The following TENM2 variants were observed in gnomAD, a reference collection of about 807,000 sequenced individuals.
TENM2 encodes the protein teneurin-2.
TENM2 carries 52 observed loss-of-function variants against 245.2 expected under a neutral mutation model. The observed-to-expected ratio is 0.21, with a 90% CI of 0.17 to 0.27. The LOEUF (loss-of-function observed/expected upper bound fraction) is 0.27, where lower values mean the gene tolerates loss of function less well. Among genes scored for constraint, TENM2 ranks in the 10% least tolerant of loss-of-function variants. The pLI, the probability that TENM2 is intolerant of heterozygous loss-of-function variation, is 1.00. For missense variants in TENM2, 3,046 were observed against 3,666.8 expected, an observed-to-expected ratio of 0.83 and a Z score of 4.37; for synonymous variants, 1,363 against 1,438.9, an observed-to-expected ratio of 0.95 and a Z score of 1.19.
At chr5:167,702,552 G>GTATATATATATATATATATATACA (rs374895330) in intron 2 of TENM2, among the ~76,000 whole-genome samples, 1 of 136,780 alleles carries the variant, frequency 7.3e-6, no homozygotes, top group African/African-American at 2.8e-5. Flanking sequence ...GTGTGTGTGT[G>GTATATATATATATATATATATACA]TATATATATA....
chr5:167,408,651 A>G (rs913148394), intron 2 of TENM2, among the ~76,000 whole-genome samples: 3 of 151,948 alleles, frequency 2.0e-5, no homozygotes, highest in Non-Finnish European at 4.4e-5. Flanking sequence ...TGTACTTGAA[A>G]TTCAGTCTTT....
intron 5 of TENM2, among the ~76,000 whole-genome samples, chr5:168,014,716 G>A (rs1317644934): frequency 6.6e-6 from 1 of 152,062 alleles, no homozygotes; most frequent in Non-Finnish European, 1.5e-5. Context: ...ACCCTTAATG[G>A]AACAATGAAA....
At chr5:167,929,383 G>A (rs1465822125) in intron 3 of TENM2, among the ~76,000 whole-genome samples, 2 of 152,244 alleles carry the variant, frequency 1.3e-5, no homozygotes, top group Admixed American at 1.3e-4. Context: ...CCCTAGTCTA[G>A]AAAATTCTGA....
chr5:167,824,824 T>G (rs1473852657), intron 2 of TENM2, among the ~76,000 whole-genome samples: 2 of 152,198 alleles, frequency 1.3e-5, no homozygotes, highest in Non-Finnish European at 2.9e-5. Flanking sequence ...CACAACTAAT[T>G]CAACGTTTCA....
At chr5:167,600,976 T>A (rs1394585026) in intron 2 of TENM2, among the ~76,000 whole-genome samples, 1 of 152,218 alleles carries the variant, frequency 6.6e-6, no homozygotes, top group Non-Finnish European at 1.5e-5. Flanking sequence ...TGGCATAATT[T>A]ATTCACTCAT....
In TENM2 at chr5:167,429,693, G is replaced by A. The variant is rs7705912; in HGVS notation, c.502+54220G>A. 2.5e-3 allele frequency among the ~76,000 whole-genome samples: 336 copies of A among 136,586 alleles called. 1 individual carries two copies. Among genetic ancestry groups the A allele is most frequent in the African/African-American group, 8.2e-3 (297 of 36,238 alleles). The allele number at this position is 136,586 out of a possible 152,430, so 89.6% of individuals were successfully genotyped here. On this transcript the variant is annotated intron_variant, in intron 2 of 28. Coordinates refer to ENST00000518659, the Ensembl canonical transcript of TENM2. ...GCGACCGCGGCTCAGTGCAACCTCCGCCTCCCAGGTTCAAGCGATTCTCCT... is the reference window on the plus strand; with the variant it reads ...GCGACCGCGGCTCAGTGCAACCTCCACCTCCCAGGTTCAAGCGATTCTCCT...
the TENM2 span, among the ~76,000 whole-genome samples, chr5:167,040,853 C>G: frequency 6.6e-6 from 1 of 152,134 alleles, no homozygotes; most frequent in Non-Finnish European, 1.5e-5. Context: ...GCAGAGCCAA[C>G]TAGAACTATA....
intron 2 of TENM2, among the ~76,000 whole-genome samples, chr5:167,856,474 G>A (rs1771108664): frequency 6.6e-6 from 1 of 152,160 alleles, no homozygotes; most frequent in Middle Eastern, 3.2e-3. Context: ...ATTAATTTGA[G>A]CTTAAGCTTC....
intron 5 of TENM2, among the ~76,000 whole-genome samples, chr5:168,045,376 T>A (rs906241221): frequency 6.6e-6 from 1 of 152,228 alleles, no homozygotes; most frequent in Non-Finnish European, 1.5e-5. Flanking sequence ...TGCAGGGATG[T>A]CTCTTCCTGT....
At chr5:167,659,203 C>G (rs1159088052) in intron 2 of TENM2, among the ~76,000 whole-genome samples, 1 of 152,164 alleles carries the variant, frequency 6.6e-6, no homozygotes, top group Admixed American at 6.5e-5. Context: ...GGTGTTCATT[C>G]TATTTCACAT....
In TENM2 at chr5:167,745,783, G is replaced by A. The variant is rs1761516198; in HGVS notation, c.503-130203G>A. Among the ~76,000 whole-genome samples, 3 of 152,300 alleles carry A rather than the reference G, an allele frequency of 2.0e-5. No homozygotes were observed. In the Middle Eastern group the frequency reaches 0.01, roughly 518 times the overall value. Reference sequence around the variant, plus strand: ...GGCTTATATAATGTATTACATGATGGTTTGTAGGTTCATCTATGCATAGCA... The same window carrying A: ...GGCTTATATAATGTATTACATGATGATTTGTAGGTTCATCTATGCATAGCA... On this transcript the variant is annotated intron_variant, in intron 2 of 28. Transcript: ENST00000518659.
intron 2 of TENM2, among the ~76,000 whole-genome samples, chr5:167,536,284 T>C (rs1019786112): frequency 6.6e-6 from 1 of 151,072 alleles, no homozygotes; most frequent in African/African-American, 2.5e-5. Context: ...CCAGGAAAAC[T>C]CTAAAAAAAA....
intron 3 of TENM2, among the ~76,000 whole-genome samples, chr5:167,937,207 T>G (rs1447174625): frequency 6.6e-6 from 1 of 152,238 alleles, no homozygotes; most frequent in African/African-American, 2.4e-5. Context: ...TTCCTGCTTT[T>G]GCTTCATAGT....
intron 2 of TENM2, among the ~76,000 whole-genome samples, chr5:167,542,214 A>G (rs1488795529): frequency 6.6e-6 from 1 of 152,188 alleles, no homozygotes; most frequent in African/African-American, 2.4e-5. Context: ...GAAGGAAGAA[A>G]GAAAGTGATT....
At chr5:167,337,826 A>G (rs887817694) in intron 1 of TENM2, among the ~76,000 whole-genome samples, 1 of 152,222 alleles carries the variant, frequency 6.6e-6, no homozygotes, top group Non-Finnish European at 1.5e-5. Flanking sequence ...TAAAAGGTTC[A>G]TACCAAAATG....
At chr5:167,086,929 G>GCA in the TENM2 span, among the ~76,000 whole-genome samples, 7,941 of 90,824 alleles carry the variant, frequency 0.087, 253 homozygotes, top group Non-Finnish European at 0.15. Context: ...ACACACACAC[G>GCA]CACACACACA....
chr5:167,380,362 T>C (rs1761025105), intron 2 of TENM2, among the ~76,000 whole-genome samples: 1 of 152,164 alleles, frequency 6.6e-6, no homozygotes. Flanking sequence ...AGGATTGATG[T>C]TCTGCAAATG....
chr5:167,711,469 T>C (rs1268623631), intron 2 of TENM2, among the ~76,000 whole-genome samples: 3 of 152,170 alleles, frequency 2.0e-5, no homozygotes, highest in African/African-American at 4.8e-5. Flanking sequence ...AATCTTCCCA[T>C]CCTTTTCGGC....
At chr5:167,246,286 A>G in the TENM2 span, among the ~76,000 whole-genome samples, 1 of 152,124 alleles carries the variant, frequency 6.6e-6, no homozygotes, top group African/African-American at 2.4e-5. Context: ...ATAGTGGGCT[A>G]CCGCATTTAT....
Sources: allele counts gnomAD v4.1 joint callset (sites outside exome capture counted in the v4.1 genomes callset), GRCh38; gene constraint gnomAD v4.1.1; transcripts MANE v1.5; gene names NCBI Gene and HGNC (gene_info 2026-07-23, HGNC 2026-07-21).